IQSEC1: variants seen among roughly 807,000 people sequenced by gnomAD.
The protein encoded by IQSEC1 is IQ motif and SEC7 domain-containing protein 1.
In IQSEC1, 31 loss-of-function variants were observed where a neutral mutation model predicts 91.0. That is an observed-to-expected ratio of 0.34 (90% CI 0.26 to 0.46). The LOEUF (loss-of-function observed/expected upper bound fraction) is 0.46, where lower values mean the gene tolerates loss of function less well. Ranked by LOEUF, IQSEC1 falls within the 20% of genes least tolerant of loss-of-function variation. IQSEC1 has a pLI of 1.00. For synonymous variants in IQSEC1, 699 were observed against 662.6 expected (o/e 1.05, Z -0.84); for missense variants, 1,388 against 1,575.6 (o/e 0.88, Z 2.02).
chr3:13,025,994 T>C (rs1703598072), intron 1 of IQSEC1, among the ~76,000 whole-genome samples: 1 of 152,228 alleles, frequency 6.6e-6, no homozygotes, highest in South Asian at 2.1e-4. Flanking sequence ...TGCCCAGTTA[T>C]TCTCCACATG....
At chr3:13,109,805 A>T (rs902655327) in intron 2 of IQSEC1, among the ~76,000 whole-genome samples, 14 of 150,670 alleles carry the variant, frequency 9.3e-5, no homozygotes, top group African/African-American at 3.2e-4. Context: ...TTTTTTTTTT[A>T]AATAAATTAC....
intron 2 of IQSEC1, among the ~76,000 whole-genome samples, chr3:13,096,402 A>C (rs145300231): frequency 6.6e-6 from 1 of 152,202 alleles, no homozygotes; most frequent in South Asian, 2.1e-4. Flanking sequence ...TTCACTCAAC[A>C]AAATTTACTC....
chr3:13,233,953 C>T (rs968809300), intron 1 of IQSEC1, among the ~76,000 whole-genome samples: 4 of 152,182 alleles, frequency 2.6e-5, no homozygotes, highest in African/African-American at 9.7e-5. Flanking sequence ...ACTGTTCAGA[C>T]AAGAGGCCAG....
chr3:13,144,661 C>T (rs111832486), intron 2 of IQSEC1, among the ~76,000 whole-genome samples: 18 of 152,228 alleles, frequency 1.2e-4, no homozygotes, highest in African/African-American at 4.1e-4. Flanking sequence ...CCATGCTGCC[C>T]CTGAAACTCA....
chr3:12,989,492 G>C (rs527323696), intron 1 of IQSEC1, among the ~76,000 whole-genome samples: 2 of 152,290 alleles, frequency 1.3e-5, no homozygotes, highest in Admixed American at 1.3e-4. Flanking sequence ...AAAACAGGGA[G>C]GCCTAGTGAC....
Position 12,967,766 on chromosome 3 carries a change from G to C in IQSEC1, c.24-25901C>G, listed in dbSNP as rs897747036. On this transcript the variant is annotated intron_variant, in intron 1 of 13. Transcript: ENST00000613206. This position sits in a 1 kb window ranked among gnomAD's most constrained non-coding sequence, Gnocchi z 5.9. ...GGGCGGGGGCGGGGCCGGAGGGCGA[G>C]CTGGGGGCGGGGCCGGAGGGCGAGC... 2 of 942,082 alleles carry C rather than the reference G, an allele frequency of 2.1e-6. No homozygotes were observed. Among genetic ancestry groups the C allele is most frequent in the African/African-American group, 1.8e-5 (1 of 55,682 alleles). The allele number at this position is 942,082 out of a possible 1,614,324, so 58.4% of individuals were successfully genotyped here.
At chr3:12,903,463 A>G (rs57549942) in intron 12 of IQSEC1, among the ~76,000 whole-genome samples, 7,329 of 152,286 alleles carry the variant, frequency 0.048, 570 homozygotes, top group African/African-American at 0.16. Context: ...ACCGCCTTCC[A>G]GCTTGGGATT....
At chr3:13,009,786 G>A (rs538008521) in intron 1 of IQSEC1, among the ~76,000 whole-genome samples, 10,575 of 152,108 alleles carry the variant, frequency 0.07, 396 homozygotes, top group African/African-American at 0.078. Flanking sequence ...CCGGGCTTTA[G>A]CACACCACAG....
chr3:13,093,808 C>T lies in IQSEC1; in HGVS notation c.303-46286G>A, dbSNP rs1037466015. Among the ~76,000 whole-genome samples, 46 of 152,158 alleles carry T rather than the reference C, an allele frequency of 3.0e-4. 1 individual carries two copies. Among genetic ancestry groups the T allele is most frequent in the Admixed American group, 2.7e-3 (42 of 15,280 alleles). ...TCCCCACTGTTGGTCCACGTGACTC[C>T]GCTAGGTCTCCCCCTGTCCGTTCTC... On this transcript the variant is annotated intron_variant, in intron 2 of 15. Transcript: ENST00000648114.
In IQSEC1 at chr3:13,277,106, TAAAAAA is replaced by T. The variant is rs4034193; in HGVS notation, c.272+5599_272+5604del. Among the ~76,000 whole-genome samples the T allele has an allele frequency of 1.5e-3, 55 of 35,992 alleles. 1 individual carries two copies. The highest frequency in any genetic ancestry group is 2.0e-3 in the East Asian group (2 of 994). The allele number at this position is 35,992 out of a possible 152,430, so 23.6% of individuals were successfully genotyped here. A position where few individuals can be genotyped will look rare whatever the true frequency, so the allele number is the denominator to read the frequency against. Reference sequence around the variant, plus strand: ...AGTTAGGCAAAGCATTGCTCCTCCTTAAAAAAAAAAAAAAAAAAAAAAAAAAAAAAA... The same window carrying T: ...AGTTAGGCAAAGCATTGCTCCTCCTTAAAAAAAAAAAAAAAAAAAAAAAAA... On this transcript the variant is annotated intron_variant, in intron 1 of 15. Transcript: ENST00000648114.
At chr3:13,147,295 A>AT (rs1021561176) in intron 2 of IQSEC1, among the ~76,000 whole-genome samples, 1 of 151,774 alleles carries the variant, frequency 6.6e-6, no homozygotes, top group Admixed American at 6.6e-5. Flanking sequence ...CCTGATACAT[A>AT]TTTTTTTTCC....
At chr3:13,195,845 T>C (rs1017981995) in intron 1 of IQSEC1, among the ~76,000 whole-genome samples, 2 of 152,078 alleles carry the variant, frequency 1.3e-5, no homozygotes, top group Non-Finnish European at 2.9e-5. Flanking sequence ...GCAATGTGGA[T>C]AAGATGGGGG....
intron 1 of IQSEC1, among the ~76,000 whole-genome samples, chr3:13,272,629 G>A (rs915073646): frequency 2.1e-4 from 32 of 152,280 alleles, no homozygotes; most frequent in African/African-American, 7.7e-4. Context: ...TTTAGGTGGC[G>A]GATTTTTACA....
intron 6 of IQSEC1, among the ~76,000 whole-genome samples, chr3:12,917,914 C>T (rs539006569): frequency 2.8e-4 from 42 of 152,248 alleles, no homozygotes; most frequent in Non-Finnish European, 5.4e-4. Context: ...TCACAGTCCT[C>T]CAGCCCCCAG....
chr3:13,262,617 A>G (rs1239338647), intron 1 of IQSEC1, among the ~76,000 whole-genome samples: 2 of 152,254 alleles, frequency 1.3e-5, no homozygotes, highest in Non-Finnish European at 2.9e-5. Context: ...AGCACACCCA[A>G]TGCACATGGC....
At chr3:13,106,641 G>A (rs1706157439) in intron 2 of IQSEC1, among the ~76,000 whole-genome samples, 1 of 152,208 alleles carries the variant, frequency 6.6e-6, no homozygotes, top group Non-Finnish European at 1.5e-5. Flanking sequence ...GAACAAGGCT[G>A]ATCCACATTG....
intron 1 of IQSEC1, among the ~76,000 whole-genome samples, chr3:13,273,681 G>A (rs1455600307): frequency 1.3e-5 from 2 of 152,096 alleles, no homozygotes; most frequent in Non-Finnish European, 2.9e-5. Flanking sequence ...CCTCACCCTG[G>A]TACCCATGCC....
intron 1 of IQSEC1, among the ~76,000 whole-genome samples, chr3:13,039,016 TCCA>T (rs1170756426): frequency 1.3e-5 from 2 of 152,256 alleles, no homozygotes; most frequent in Admixed American, 6.5e-5. Flanking sequence ...ACAGGGGCAG[TCCA>T]CCACACCATT....
At chr3:12,963,055 C>T (rs1379305400) in intron 1 of IQSEC1, among the ~76,000 whole-genome samples, 2 of 152,222 alleles carry the variant, frequency 1.3e-5, no homozygotes, top group Non-Finnish European at 2.9e-5. Context: ...GCCAGGCAGG[C>T]GGAGTTCAAA....
Sources: gnomAD v4.1 joint callset for allele counts (sites outside exome capture counted in the v4.1 genomes callset) on GRCh38, gnomAD v4.1.1 for gene constraint, Gnocchi (gnomAD v3.1) non-coding constraint, MANE v1.5 for transcripts, NCBI Gene and HGNC (gene_info 2026-07-23, HGNC 2026-07-21) for gene names.